Variants in COL11A1 observed in about 807,000 individuals in gnomAD.
The protein encoded by COL11A1 is collagen type XI alpha 1 chain.
A neutral mutation model predicts 265.2 loss-of-function variants in COL11A1; 74 were observed. The observed-to-expected ratio is 0.28, with a 90% CI of 0.23 to 0.34. The LOEUF is 0.34. Among genes scored for constraint, COL11A1 ranks in the 10% least tolerant of loss-of-function variants. The pLI is 1.00. For missense variants in COL11A1, 2,165 were observed against 2,263.6 expected (o/e 0.96, Z 0.88); for synonymous variants, 816 against 727.6 (o/e 1.12, Z -1.96).
chr1:102,968,040 A>G (rs116229918), intron 37 of COL11A1, among the ~76,000 whole-genome samples: 148 of 152,286 alleles, frequency 9.7e-4, no homozygotes, highest in East Asian at 1.7e-3. Context: ...TGCTCATTCA[A>G]TCCATTCAGA....
At position 102,888,754 on chromosome 1, in the gene COL11A1, G is replaced by A; in HGVS notation, c.4523C>T (p.Pro1508Leu). ...GPPGPPGLPG[P>L]QGPKGNKGST... ...GCCTTTGTTACCCTTTGGGCCTTGA[G>A]GACCCTACAAAATGCAAATGCAAAA... Residue 1508 changes from proline (P) to leucine (L), a missense_variant, in exon 61 of 67, where the codon CCT becomes CTT. Physicochemically the swap from Pro to Leu is moderately conservative, Grantham distance 98. Coordinates refer to ENST00000370096, the MANE Select transcript of COL11A1 (RefSeq NM_001854.4). The A allele has an allele frequency of 6.2e-7, 1 of 1,613,928 alleles. No individual in the cohort carries two copies. The highest frequency in any genetic ancestry group is 1.1e-5 in the South Asian group (1 of 91,078).
chr1:102,891,711 CAA>C (rs34484060), intron 57 of COL11A1, among the ~76,000 whole-genome samples: 28 of 67,264 alleles, frequency 4.2e-4, no homozygotes, highest in Admixed American at 8.3e-4. Context: ...ATTTTGTCTA[CAA>C]AAAAAAAAAA....
chr1:102,908,180 G>C (rs186492458), intron 54 of COL11A1, among the ~76,000 whole-genome samples: 104 of 151,850 alleles, frequency 6.8e-4, no homozygotes, highest in Admixed American at 1.3e-3. Flanking sequence ...TTGTTTCATG[G>C]GGTATTTGTG....
At chr1:103,047,376 G>A (rs1009348468) in intron 4 of COL11A1, among the ~76,000 whole-genome samples, 2 of 152,098 alleles carry the variant, frequency 1.3e-5, no homozygotes, top group African/African-American at 4.8e-5. Context: ...AAAATTGTGA[G>A]TGGGAATTCA....
intron 37 of COL11A1, among the ~76,000 whole-genome samples, chr1:102,969,786 C>T (rs78435902): frequency 0.019 from 2,924 of 152,176 alleles, 111 homozygotes; most frequent in African/African-American, 0.067. Context: ...AGTATTTAAT[C>T]CCTTAGTTCT....
rs114094014 is a variant in COL11A1 at position 102,979,573 on chromosome 1, C to T, written c.2557-138G>A. 2.2e-3 allele frequency: 1,587 copies of T among 720,386 alleles called. 21 individuals are homozygous for T. In the African/African-American group the frequency reaches 0.024, roughly 11 times the overall value. The allele number at this position is 720,386 out of a possible 1,614,324, so 44.6% of individuals were successfully genotyped here. ...AAATATAGAAATTTTAAGATATCAT[C>T]GAAGTAATTGAAAATGAACTTACAA... On this transcript the variant is annotated intron_variant, in intron 31 of 66. Transcript: ENST00000370096.
intron 6 of COL11A1, 200 bp from the exon 7 acceptor site, chr1:103,025,813 T>G (rs771895770): frequency 1.2e-6 from 2 of 1,613,242 alleles, no homozygotes; most frequent in African/African-American, 2.7e-5. Flanking sequence ...TACCCCTAGT[T>G]TGGCTTTTGC....
chr1:102,903,699 T>C (rs905903724), intron 54 of COL11A1, among the ~76,000 whole-genome samples: 7 of 152,318 alleles, frequency 4.6e-5, no homozygotes, highest in African/African-American at 1.4e-4. Flanking sequence ...CATCAGATAT[T>C]GAACTCAAAG....
intron 4 of COL11A1, among the ~76,000 whole-genome samples, chr1:103,041,877 AT>A (rs1395823165): frequency 1.3e-5 from 2 of 151,940 alleles, no homozygotes; most frequent in Non-Finnish European, 2.9e-5. Flanking sequence ...GAAAAACTGT[AT>A]TTTGGTTGAA....
chr1:102,919,079 G>A (rs12120318), intron 49 of COL11A1, among the ~76,000 whole-genome samples: 9,017 of 152,052 alleles, frequency 0.059, 330 homozygotes, highest in Non-Finnish European at 0.085. Flanking sequence ...AGAGACAAGT[G>A]CTCTCCCATA....
chr1:102,930,391 C>T (rs1364482834), intron 46 of COL11A1, among the ~76,000 whole-genome samples: 1 of 151,698 alleles, frequency 6.6e-6, no homozygotes, highest in Non-Finnish European at 1.5e-5. Context: ...TGCTGGATTA[C>T]ATTTATTGAT....
chr1:103,048,356 A>G (rs1205402602), intron 4 of COL11A1, among the ~76,000 whole-genome samples: 2 of 152,148 alleles, frequency 1.3e-5, no homozygotes, highest in African/African-American at 4.8e-5. Context: ...CGAGGAATTT[A>G]TCCATTTCTT....
intron 1 of COL11A1, among the ~76,000 whole-genome samples, chr1:103,105,632 T>C (rs1674632953): frequency 6.6e-6 from 1 of 152,174 alleles, no homozygotes; most frequent in East Asian, 1.9e-4. Context: ...TGTACCTCAA[T>C]GAAATCAATG....
rs569068122 is a variant in COL11A1 at position 102,978,586 on chromosome 1, C to A, written c.2754+122G>T. The A allele has an allele frequency of 1.0e-4, 107 of 1,065,152 alleles. No homozygotes were observed. In the East Asian group the frequency reaches 2.5e-3, roughly 25 times the overall value. The allele number at this position is 1,065,152 out of a possible 1,614,324, so 66.0% of individuals were successfully genotyped here. ...ATTAAAAAATAAGCGTTTTTAAATTCAGACTAGATTTTGTGGATAGACATG... is the reference window on the plus strand; with the variant it reads ...ATTAAAAAATAAGCGTTTTTAAATTAAGACTAGATTTTGTGGATAGACATG... On this transcript the variant is annotated intron_variant, in intron 35 of 66. Transcript: ENST00000370096.
rs548319196 is a variant in COL11A1, at chr1:102,984,350, G to A, written c.2503-159C>T. Reference sequence around the variant, plus strand: ...ATTTACCTTCATTATATTTCTTCACGTGAATAAGAAAATTGTTGCTTTGAA... The same window carrying A: ...ATTTACCTTCATTATATTTCTTCACATGAATAAGAAAATTGTTGCTTTGAA... On this transcript the variant is annotated intron_variant, in intron 30 of 66. Transcript: ENST00000370096. 8.6e-5 allele frequency among the ~76,000 whole-genome samples: 13 copies of A among 151,844 alleles called. No individual in the cohort carries two copies. The South Asian group carries it at 1.2e-3, about 15-fold the overall frequency.
At chr1:102,979,139 A>T (rs1438837221) in intron 32 of COL11A1, 35 bp from the exon 33 acceptor site, 4 of 1,593,630 alleles carry the variant, frequency 2.5e-6, no homozygotes, top group East Asian at 4.5e-5. Flanking sequence ...TATGCAGTAT[A>T]TCACAGTAAA....
intron 1 of COL11A1, among the ~76,000 whole-genome samples, chr1:103,088,647 G>C (rs751361932): frequency 1.3e-5 from 2 of 152,202 alleles, no homozygotes; most frequent in Non-Finnish European, 2.9e-5. Context: ...GAGTTGCGTA[G>C]CTGCAACAGA....
intron 19 of COL11A1, 56 bp from the exon 20 acceptor site, chr1:103,004,544 A>T: frequency 6.3e-7 from 1 of 1,591,004 alleles, no homozygotes. Flanking sequence ...TATCATTTCA[A>T]CATGATTTTG....
At chr1:102,980,287 C>T (rs1662915071) in intron 31 of COL11A1, among the ~76,000 whole-genome samples, 1 of 152,044 alleles carries the variant, frequency 6.6e-6, no homozygotes, top group Non-Finnish European at 1.5e-5. Flanking sequence ...ATTTCATTTA[C>T]AAATGGCCAC....
Sources: gnomAD v4.1 joint callset for allele counts (sites outside exome capture counted in the v4.1 genomes callset) on GRCh38, gnomAD v4.1.1 for gene constraint, MANE v1.5 for transcripts, NCBI Gene and HGNC (gene_info 2026-07-23, HGNC 2026-07-21) for gene names.